CAPN15: variants seen among roughly 807,000 people sequenced by gnomAD.
The protein encoded by CAPN15 is calpain 15.
CAPN15 carries 53 observed loss-of-function variants against 97.9 expected under a neutral mutation model. The ratio of observed to expected loss-of-function variants is 0.54; its 90% CI spans 0.43 to 0.68. The LOEUF is 0.68. Among genes scored for constraint, CAPN15 ranks in the 30% least tolerant of loss-of-function variants. The pLI, the probability that CAPN15 is intolerant of heterozygous loss-of-function variation, is 0.00. For missense variants in CAPN15, 1,592 were observed against 1,589.8 expected (o/e 1.00, Z -0.02); for synonymous variants, 922 against 722.5 (o/e 1.28, Z -4.43).
chr16:531,914 G>A (rs1346052374), intron 1 of CAPN15, among the ~76,000 whole-genome samples: 1 of 152,176 alleles, frequency 6.6e-6, no homozygotes, highest in East Asian at 1.9e-4. Context: ...CAAAAACCAC[G>A]AGTGCTTGTC....
At chr16:537,487 G>A in intron 3 of CAPN15, 7 of 972,964 alleles carry the variant, frequency 7.2e-6, no homozygotes, top group Non-Finnish European at 8.6e-6. Context: ...GCCCTGGCAG[G>A]TGTGCAGTCC....
chr16:550,043 G>A (rs993480094), intron 7 of CAPN15, among the ~76,000 whole-genome samples: 1 of 152,070 alleles, frequency 6.6e-6, no homozygotes, highest in Admixed American at 6.5e-5. Flanking sequence ...ATGCCAGGAA[G>A]GCCACATCCT....
At position 547,219 on chromosome 16, in the gene CAPN15, C is replaced by G; in HGVS notation, c.381C>G (p.Asp127Glu). ...EPARGQCEDK[D>E]EEEKEEQEEE... ...CCAGGGGGCAGTGCGAGGACAAGGA[C>G]GAGGAGGAGAAGGAGGAGCAGGAGG... The change falls in exon 4 of 14, where the codon GAC becomes GAG. Residue 127 changes from aspartate to glutamate, a missense_variant. This residue lies in a region of CAPN15 where 883 missense variants were observed against 776.6 expected (regional missense o/e 1.14). Transcript: ENST00000219611. 1.3e-6 allele frequency: 2 copies of G among 1,526,368 alleles called. No individual in the cohort carries two copies. Among genetic ancestry groups the G allele is most frequent in the Non-Finnish European group, 1.8e-6 (2 of 1,142,450 alleles). 94.6% of individuals were successfully genotyped at this position (1,526,368 alleles called of 1,614,324 possible).
rs201195272 is a variant in CAPN15, at chr16:551,597, C to T, written c.2278C>T (p.Arg760Cys). 1.4e-4 allele frequency: 229 copies of T among 1,608,896 alleles called. No individual in the cohort carries two copies. Among genetic ancestry groups the T allele is most frequent in the Non-Finnish European group, 1.8e-4 (215 of 1,179,014 alleles). The change falls in exon 9 of 14, where the codon CGT becomes TGT. Residue 760 changes from arginine (R) to cysteine (C), a missense_variant. Coordinates refer to ENST00000219611, the MANE Select transcript of CAPN15 (RefSeq NM_005632.3). Reference protein sequence around the residue: ...DEWPHWPGHLRGELMPHGSSE... With the variant: ...DEWPHWPGHLCGELMPHGSSE... ...GTGGCCACACTGGCCGGGGCACCTG[C>T]GTGGCGAGCTCATGCCGCACGGCAG...
chr16:550,742 G>GGGACCC (rs2034950281), intron 7 of CAPN15, among the ~76,000 whole-genome samples: 1 of 145,034 alleles, frequency 6.9e-6, no homozygotes, highest in Non-Finnish European at 1.5e-5. Context: ...CCGTCGGTGA[G>GGGACCC]GGTCCCGGTC....
At chr16:544,721 C>CGT (rs1386036361) in intron 3 of CAPN15, among the ~76,000 whole-genome samples, 794 of 71,094 alleles carry the variant, frequency 0.011, 18 homozygotes, top group African/African-American at 0.026. Context: ...CCCCACGTCG[C>CGT]CTCCCCCACG....
chr16:545,995 C>T (rs1487639015), intron 3 of CAPN15, among the ~76,000 whole-genome samples: 1 of 152,238 alleles, frequency 6.6e-6, no homozygotes, highest in Admixed American at 6.5e-5. Context: ...ATTGCTTGGG[C>T]TTTCACAGAA....
At chr16:545,509 C>G (rs991286443) in intron 3 of CAPN15, among the ~76,000 whole-genome samples, 1 of 152,236 alleles carries the variant, frequency 6.6e-6, no homozygotes, top group East Asian at 1.9e-4. Flanking sequence ...GAACTTTAGG[C>G]CTTGTTCTGA....
chr16:534,216 G>C (rs576654465), intron 2 of CAPN15, among the ~76,000 whole-genome samples: 1 of 152,250 alleles, frequency 6.6e-6, no homozygotes, highest in African/African-American at 2.4e-5. Flanking sequence ...CGGTGAGGGC[G>C]GCCCGGGGTC....
chr16:534,022 G>T lies in CAPN15; in HGVS notation c.-137+24G>T, dbSNP rs1042322928. ...AGGTGAGTTTGTTCCCAAGCCCTGC[G>T]GCTCGTTTATGGGTTTGCTTGCGCT... On this transcript the variant is annotated intron_variant, in intron 2 of 13. Coordinates refer to ENST00000219611, the MANE Select transcript of CAPN15 (RefSeq NM_005632.3). The T allele has an allele frequency of 8.1e-6, 8 of 983,116 alleles. No individual in the cohort carries two copies. In the African/African-American group the frequency reaches 1.4e-4, roughly 17 times the overall value. 60.9% of individuals were successfully genotyped at this position (983,116 alleles called of 1,614,324 possible). A position where few individuals can be genotyped will look rare whatever the true frequency, so the allele number is the denominator to read the frequency against.
chr16:546,999 C>T lies in CAPN15; in HGVS notation c.161C>T (p.Thr54Ile). The part of the protein sequence containing the change: ...EEQKWPCARC[T>I]FRNFLGKEAC... ...CAGAAATGGCCCTGCGCCCGCTGCA[C>T]CTTCCGCAACTTCCTGGGCAAGGAG... The change falls in exon 4 of 14, where the codon ACC (threonine) becomes ATC (isoleucine). Residue 54 changes from threonine (T) to isoleucine (I), a missense_variant. Physicochemically the swap from Thr to Ile is moderately conservative, Grantham distance 89. Coordinates refer to ENST00000219611, the MANE Select transcript of CAPN15 (RefSeq NM_005632.3). 6.2e-7 allele frequency: 1 copy of T among 1,610,294 alleles called. No homozygotes were observed. The highest frequency in any genetic ancestry group is 8.5e-7 in the Non-Finnish European group (1 of 1,179,856).
At chr16:537,319 C>T (rs776618336) in intron 3 of CAPN15, 11 of 985,416 alleles carry the variant, frequency 1.1e-5, no homozygotes, top group Non-Finnish European at 1.3e-5. Context: ...CGCTTCCTGC[C>T]CTGGGTGCAG....
intron 3 of CAPN15, chr16:537,528 G>A: frequency 1.2e-6 from 1 of 808,112 alleles, no homozygotes; most frequent in Non-Finnish European, 1.5e-6. Flanking sequence ...TCCTGTCAGA[G>A]CCAAACCAGC....
At position 547,088 on chromosome 16, in the gene CAPN15, A is replaced by G; in HGVS notation, c.250A>G (p.Asn84Asp). The G allele has an allele frequency of 6.3e-7, 1 of 1,592,390 alleles. No homozygotes were observed. Among genetic ancestry groups the G allele is most frequent in the African/African-American group, 1.3e-5 (1 of 74,800 alleles). Reference sequence around the variant, plus strand: ...TGGGGCTGCCTTCCTGCCAGTCCTCAACGGGGTCCTCCCCAAGCCACCCGC... The same window carrying G: ...TGGGGCTGCCTTCCTGCCAGTCCTCGACGGGGTCCTCCCCAAGCCACCCGC... ...APGAAFLPVLNGVLPKPPAIL... is the reference protein window; with the variant it reads ...APGAAFLPVLDGVLPKPPAIL... The change falls in exon 4 of 14, where the codon AAC becomes GAC. Residue 84 changes from asparagine (N) to aspartate (D), a missense_variant. By Grantham distance (23) the Asn-to-Asp change is conservative (BLOSUM62 1). This residue lies in a region of CAPN15 where 883 missense variants were observed against 776.6 expected (regional missense o/e 1.14). Transcript: ENST00000219611.
chr16:552,191 C>T lies in CAPN15; in HGVS notation c.2486C>T (p.Ala829Val), dbSNP rs372591796. The change falls in exon 10 of 14, where the codon GCG becomes GTG. Residue 829 changes from alanine (A) to valine (V), a missense_variant. By Grantham distance (64) the Ala-to-Val change is moderately conservative. Around this residue, in one of 3 missense-constraint regions of CAPN15, gnomAD observed 644 missense variants for 699.6 expected, o/e 0.92. Transcript: ENST00000219611. The surrounding 1 kb of genome is among the most constrained non-coding windows in gnomAD (Gnocchi z 6.4). Reference sequence around the variant, plus strand: ...CTGGAGCGGGCCTCGCTGGAGTTCGCGCTCTTCCAGGAGGGCAGCAGGTGG... The same window carrying T: ...CTGGAGCGGGCCTCGCTGGAGTTCGTGCTCTTCCAGGAGGGCAGCAGGTGG... ...TVLERASLEF[A>V]LFQEGSRRSD... is the part of the protein sequence containing the mutation. 337 of 1,535,798 alleles carry T rather than the reference C, an allele frequency of 2.2e-4. No homozygotes were observed. Among genetic ancestry groups the T allele is most frequent in the South Asian group, 4.9e-4 (40 of 82,268 alleles).
In CAPN15 at chr16:547,560, A is replaced by G; in HGVS notation, c.722A>G (p.Asn241Ser). 6.3e-7 allele frequency: 1 copy of G among 1,594,196 alleles called. No homozygotes were observed. The highest frequency in any genetic ancestry group is 2.2e-5 in the East Asian group (1 of 44,656). Reference protein sequence around the residue: ...PFSPFSSTLQNNPVPRSRREV... With the variant: ...PFSPFSSTLQSNPVPRSRREV... ...AGCCCCTTCTCGTCCACCCTGCAGA[A>G]CAACCCCGTGCCGCGCAGCCGACGC... The change falls in exon 4 of 14, where the codon AAC becomes AGC. Residue 241 changes from asparagine (N) to serine (S), a missense_variant. Physicochemically the swap from Asn to Ser is conservative, Grantham distance 46. Transcript: ENST00000219611.
intron 1 of CAPN15, among the ~76,000 whole-genome samples, chr16:529,623 C>T (rs540919730): frequency 7.1e-4 from 108 of 152,376 alleles, no homozygotes; most frequent in African/African-American, 2.5e-3. Flanking sequence ...GTGAAGAACT[C>T]GGCCGTTGGT....
chr16:552,288 G>T lies in CAPN15; in HGVS notation c.2508-13G>T. 6.5e-7 allele frequency: 1 copy of T among 1,545,032 alleles called. No individual in the cohort carries two copies. Among genetic ancestry groups the T allele is most frequent in the Non-Finnish European group, 8.7e-7 (1 of 1,148,374 alleles). On this transcript the variant is annotated splice_polypyrimidine_tract_variant and intron_variant, in intron 10 of 13. Transcript: ENST00000219611. This position sits in a 1 kb window ranked among gnomAD's most constrained non-coding sequence, Gnocchi z 6.4. The stretch of plus-strand genomic sequence containing the variant: ...TGACCACGCGTGACCCTGGCCCGTG[G>T]TGTCTGGCGCAGGCGCTCGGACGCC...
At chr16:538,889 G>A (rs1323536157) in intron 3 of CAPN15, 3 of 66,292 alleles carry the variant, frequency 4.5e-5, no homozygotes, top group African/African-American at 1.9e-4. Flanking sequence ...CCCCCAGCCC[G>A]CTCACCTAGG....
Sources: gnomAD v4.1 joint callset for allele counts (sites outside exome capture counted in the v4.1 genomes callset) on GRCh38, gnomAD v4.1.1 for gene constraint, gnomAD v4.1.1 regional missense constraint, Gnocchi (gnomAD v3.1) non-coding constraint, MANE v1.5 for transcripts, NCBI Gene and HGNC (gene_info 2026-07-23, HGNC 2026-07-21) for gene names.